The following SLIT3 variants were observed in gnomAD, a reference collection of about 807,000 sequenced individuals.
SLIT3 encodes the protein slit guidance ligand 3.
A neutral mutation model predicts 184.0 loss-of-function variants in SLIT3; 68 were observed. The observed-to-expected ratio is 0.37, with a 90% CI of 0.30 to 0.45. The LOEUF (loss-of-function observed/expected upper bound fraction) is 0.45. SLIT3 is among the 20% of genes least tolerant of loss of function. The pLI is 1.00. For missense variants in SLIT3, 1,707 were observed against 2,026.0 expected, an observed-to-expected ratio of 0.84 and a Z score of 3.02; for synonymous variants, 831 against 828.6, an observed-to-expected ratio of 1.00 and a Z score of -0.05.
intron 4 of SLIT3, among the ~76,000 whole-genome samples, chr5:169,120,670 G>A (rs1176584868): frequency 3.9e-5 from 6 of 152,112 alleles, no homozygotes; most frequent in African/African-American, 7.2e-5. Context: ...AGTAGGAAAC[G>A]AATACACCAA....
intron 4 of SLIT3, among the ~76,000 whole-genome samples, chr5:169,096,389 G>C (rs1167597209): frequency 2.0e-5 from 3 of 152,214 alleles, no homozygotes; most frequent in African/African-American, 4.8e-5. Flanking sequence ...GTTTAGAGCA[G>C]GGGTTAGCAA....
chr5:169,275,514 G>A (rs1482754455), intron 1 of SLIT3, among the ~76,000 whole-genome samples: 2 of 152,084 alleles, frequency 1.3e-5, no homozygotes, highest in Non-Finnish European at 2.9e-5. Flanking sequence ...GTTTTTTTAC[G>A]CCGCTGATAA....
intron 20 of SLIT3, among the ~76,000 whole-genome samples, chr5:168,727,427 G>A (rs1265545226): frequency 1.3e-5 from 2 of 152,250 alleles, no homozygotes; most frequent in East Asian, 1.9e-4. Flanking sequence ...AGCAGGGGAG[G>A]TGGAAGAGTC....
chr5:169,210,901 G>C lies in SLIT3; in HGVS notation c.342-17351C>G, dbSNP rs112616649. ...TAAAGTGGGAAGTATATATTTCCAT[G>C]TTCCATTGATGTTGGGTGTGGCCAT... On this transcript the variant is annotated intron_variant, in intron 3 of 35. Transcript: ENST00000519560. Among the ~76,000 whole-genome samples, 1,404 of 152,294 alleles carry C rather than the reference G, an allele frequency of 9.2e-3. 25 individuals are homozygous for C. The highest frequency in any genetic ancestry group is 0.032 in the African/African-American group (1,314 of 41,534).
intron 4 of SLIT3, among the ~76,000 whole-genome samples, chr5:168,884,423 T>TCACACACACA (rs369129500): frequency 7.3e-5 from 10 of 137,858 alleles, no homozygotes; most frequent in African/African-American, 1.1e-4. Flanking sequence ...TCTCTCTCTC[T>TCACACACACA]CTCTCACACA....
At chr5:169,007,913 C>T (rs1345054316) in intron 4 of SLIT3, among the ~76,000 whole-genome samples, 1 of 152,156 alleles carries the variant, frequency 6.6e-6, no homozygotes, top group Non-Finnish European at 1.5e-5. Context: ...TCCCTGTTGC[C>T]TTATAGGACA....
intron 14 of SLIT3, among the ~76,000 whole-genome samples, chr5:168,765,657 G>A (rs1755316176): frequency 6.6e-6 from 1 of 152,128 alleles, no homozygotes; most frequent in South Asian, 2.1e-4. Context: ...CAATCTCAGT[G>A]CATATTTGTC....
At chr5:168,945,247 T>C (rs1305025756) in intron 4 of SLIT3, among the ~76,000 whole-genome samples, 2 of 41,362 alleles carry the variant, frequency 4.8e-5, no homozygotes, top group East Asian at 1.1e-3. Flanking sequence ...GGTATCCACA[T>C]TTTTTTTTTT....
intron 4 of SLIT3, among the ~76,000 whole-genome samples, chr5:169,158,409 G>T (rs1328053596): frequency 6.6e-6 from 1 of 151,760 alleles, no homozygotes; most frequent in Non-Finnish European, 1.5e-5. Flanking sequence ...GGAAAATCAA[G>T]AAATTCTCAG....
rs540309809 is a variant in SLIT3, at chr5:168,967,437, CTTTTT to C, written c.414-84106_414-84102del. Among the ~76,000 whole-genome samples, 25 of 32,738 alleles carry C rather than the reference CTTTTT, an allele frequency of 7.6e-4. 1 individual carries two copies. Among genetic ancestry groups the C allele is most frequent in the East Asian group, 2.2e-3 (1 of 450 alleles). 21.5% of individuals were successfully genotyped at this position (32,738 alleles called of 152,430 possible). On this transcript the variant is annotated intron_variant, in intron 4 of 35. Transcript: ENST00000519560. ...TTCCTCTGGCACTGCCATCTCAAAT[CTTTTT>C]TTTTTTTTTTTTTTTGAGACGGAGT...
intron 7 of SLIT3, among the ~76,000 whole-genome samples, chr5:168,820,332 G>A (rs1034292774): frequency 6.6e-6 from 1 of 152,164 alleles, no homozygotes; most frequent in Non-Finnish European, 1.5e-5. Context: ...AGCTCAGGCT[G>A]TGATGGCAAA....
chr5:168,765,697 C>T (rs767103873), intron 14 of SLIT3, among the ~76,000 whole-genome samples: 2 of 152,118 alleles, frequency 1.3e-5, no homozygotes, highest in South Asian at 2.1e-4. Flanking sequence ...AATAGAGGAC[C>T]GACTGCAATA....
At chr5:168,967,256 CTG>C (rs1426558978) in intron 4 of SLIT3, among the ~76,000 whole-genome samples, 1 of 151,686 alleles carries the variant, frequency 6.6e-6, no homozygotes, top group African/African-American at 2.4e-5. Context: ...GAGACACACA[CTG>C]GGGTAAAATT....
At chr5:169,223,556 A>C (rs573832318) in intron 3 of SLIT3, among the ~76,000 whole-genome samples, 8 of 152,328 alleles carry the variant, frequency 5.3e-5, no homozygotes, top group African/African-American at 1.9e-4. Context: ...TCAGGCCTCT[A>C]TACTGCAACC....
At chr5:169,135,996 C>T (rs1372978887) in intron 4 of SLIT3, among the ~76,000 whole-genome samples, 1 of 152,200 alleles carries the variant, frequency 6.6e-6, no homozygotes, top group African/African-American at 2.4e-5. Context: ...GATACACAAA[C>T]TCCTTTCTTT....
At chr5:168,707,373 C>G (rs1047336249) in intron 26 of SLIT3, 2 of 155,002 alleles carry the variant, frequency 1.3e-5, no homozygotes, top group African/African-American at 4.8e-5. Context: ...GGCATGACAC[C>G]GTGCTCTGGG....
chr5:168,734,646 A>C (rs1469427817), intron 20 of SLIT3, among the ~76,000 whole-genome samples: 1 of 152,216 alleles, frequency 6.6e-6, no homozygotes, highest in Non-Finnish European at 1.5e-5. Flanking sequence ...AATGTCTATT[A>C]AGTGCTTTTG....
chr5:168,687,523 A>G (rs1294502267), intron 29 of SLIT3, among the ~76,000 whole-genome samples: 2 of 152,202 alleles, frequency 1.3e-5, no homozygotes, highest in African/African-American at 4.8e-5. Context: ...GGAAGAAACC[A>G]GAGGGCAGAG....
At chr5:169,283,860 T>A (rs1767070531) in intron 1 of SLIT3, among the ~76,000 whole-genome samples, 1 of 152,212 alleles carries the variant, frequency 6.6e-6, no homozygotes, top group African/African-American at 2.4e-5. Flanking sequence ...AAATGTCTTT[T>A]ATCCGATTAT....
Sources: gnomAD v4.1 joint callset for allele counts (sites outside exome capture counted in the v4.1 genomes callset) on GRCh38, gnomAD v4.1.1 for gene constraint, MANE v1.5 for transcripts, NCBI Gene and HGNC (gene_info 2026-07-23, HGNC 2026-07-21) for gene names.